Variants in FAM222B observed in about 807,000 individuals in gnomAD.
FAM222B encodes the protein protein FAM222B.
A neutral mutation model predicts 38.0 loss-of-function variants in FAM222B; 12 were observed. That is an observed-to-expected ratio of 0.32 (90% CI 0.20 to 0.51). The LOEUF is 0.51. Ranked by LOEUF, FAM222B falls within the 20% of genes least tolerant of loss-of-function variation. The pLI, the probability that FAM222B is intolerant of heterozygous loss-of-function variation, is 0.97. For synonymous variants in FAM222B, 329 were observed against 317.2 expected, an observed-to-expected ratio of 1.04 and a Z score of -0.40; for missense variants, 716 against 754.2, an observed-to-expected ratio of 0.95 and a Z score of 0.59.
chr17:28,847,264 C>T (rs1342828583), upstream of FAM222B, among the ~76,000 whole-genome samples: 4 of 151,740 alleles, frequency 2.6e-5, no homozygotes, highest in Admixed American at 2.6e-4. Flanking sequence ...CTTCCGTGAC[C>T]CCAAGTTACA....
intron 1 of FAM222B, among the ~76,000 whole-genome samples, chr17:28,852,334 C>T (rs181673096): frequency 6.1e-4 from 92 of 151,286 alleles, no homozygotes; most frequent in Admixed American, 2.1e-3. Flanking sequence ...CCAGCCTGGG[C>T]GACAGAGCGA....
At chr17:28,805,940 G>A (rs746293823) in intron 1 of FAM222B, among the ~76,000 whole-genome samples, 4 of 152,130 alleles carry the variant, frequency 2.6e-5, no homozygotes, top group Admixed American at 6.6e-5. Context: ...TCGGGAGTTC[G>A]AGACCAGCCT....
intron 1 of FAM222B, among the ~76,000 whole-genome samples, chr17:28,802,113 G>C (rs1427012074): frequency 2.1e-5 from 2 of 97,182 alleles, no homozygotes; most frequent in Non-Finnish European, 4.6e-5. Flanking sequence ...TTCTGAGAAA[G>C]AGTCTTACTC....
At position 28,758,781 on chromosome 17, in the gene FAM222B, G is replaced by C. The variant is rs762239819; in HGVS notation, c.1178C>G (p.Ala393Gly). The C allele has an allele frequency of 6.4e-7, 1 of 1,574,378 alleles. No homozygotes were observed. Among genetic ancestry groups the C allele is most frequent in the South Asian group, 1.2e-5 (1 of 86,878 alleles). The change falls in exon 3 of 3, where the codon GCG (alanine) becomes GGG (glycine). Residue 393 changes from alanine (A) to glycine (G), a missense_variant. Coordinates refer to ENST00000581407, the MANE Select transcript of FAM222B (RefSeq NM_001077498.3). ...TPAPGLTGKH[A>G]AGRELAGPGF... The stretch of plus-strand genomic sequence containing the variant: ...AGGCCCTGCCAACTCGCGTCCTGCC[G>C]CATGCTTGCCTGTCAGGCCAGGGGC...
chr17:28,787,959 G>C (rs577594607), intron 1 of FAM222B, among the ~76,000 whole-genome samples: 1 of 151,706 alleles, frequency 6.6e-6, no homozygotes, highest in Non-Finnish European at 1.5e-5. Context: ...CGAGTGGCTA[G>C]GATTACAGGA....
At chr17:28,818,960 C>T (rs1266681647) in intron 1 of FAM222B, among the ~76,000 whole-genome samples, 1 of 152,152 alleles carries the variant, frequency 6.6e-6, no homozygotes, top group African/African-American at 2.4e-5. Flanking sequence ...TAAAATGGCA[C>T]GGTTCCTGAA....
intron 1 of FAM222B, among the ~76,000 whole-genome samples, chr17:28,775,828 C>G (rs960971662): frequency 4.0e-5 from 6 of 151,168 alleles, no homozygotes; most frequent in African/African-American, 1.5e-4. Flanking sequence ...TTGCAGTGAG[C>G]CGAGATGGCG....
chr17:28,846,239 C>T (rs1253905455), upstream of FAM222B, among the ~76,000 whole-genome samples: 2 of 149,018 alleles, frequency 1.3e-5, no homozygotes, highest in East Asian at 4.0e-4. Flanking sequence ...TGTGGTGGTG[C>T]ACACCTGTGG....
upstream of FAM222B, among the ~76,000 whole-genome samples, chr17:28,847,655 C>T (rs904359405): frequency 6.6e-6 from 1 of 151,824 alleles, no homozygotes; most frequent in Non-Finnish European, 1.5e-5. Context: ...TGGCTCACTC[C>T]TGTAATCCCA....
rs142431621 is a variant in FAM222B, at chr17:28,783,510, TGAGA to T, written c.-40-16807_-40-16804del. Among the ~76,000 whole-genome samples the T allele has an allele frequency of 2.0e-3, 200 of 101,792 alleles. 6 individuals carry two copies. Among genetic ancestry groups the T allele is most frequent in the Middle Eastern group, 0.018 (3 of 166 alleles). The allele number at this position is 101,792 out of a possible 152,430, so 66.8% of individuals were successfully genotyped here. On this transcript the variant is annotated intron_variant, in intron 1 of 2. Transcript: ENST00000581407. The stretch of plus-strand genomic sequence containing the variant: ...ATTTATAAAATGTACCCTACCTTCA[TGAGA>T]TTTTTTTTTTTTTTTTTAAACAAAG...
chr17:28,813,120 T>C, intron 1 of FAM222B, among the ~76,000 whole-genome samples: 1 of 62,304 alleles, frequency 1.6e-5, no homozygotes, highest in Non-Finnish European at 2.6e-5. Flanking sequence ...CATGAAATCA[T>C]CAGACACAAA....
intron 2 of FAM222B, among the ~76,000 whole-genome samples, chr17:28,760,110 C>T (rs1430676919): frequency 6.6e-6 from 1 of 152,216 alleles, no homozygotes; most frequent in Non-Finnish European, 1.5e-5. Flanking sequence ...GACAGGCCAT[C>T]TCAATGAATC....
chr17:28,791,675 A>ATTTTTTTTTTTTTTTTTTTTT (rs869183871), intron 1 of FAM222B, among the ~76,000 whole-genome samples: 1 of 116,850 alleles, frequency 8.6e-6, no homozygotes, highest in Non-Finnish European at 1.7e-5. Flanking sequence ...GAGCCCAGGA[A>ATTTTTTTTTTTTTTTTTTTTT]TTTTTTTTTT....
At chr17:28,805,027 C>A (rs1455901780) in intron 1 of FAM222B, among the ~76,000 whole-genome samples, 1 of 150,704 alleles carries the variant, frequency 6.6e-6, no homozygotes, top group South Asian at 2.1e-4. Flanking sequence ...GTCTGGGCGA[C>A]AGAGCGAGAC....
intron 1 of FAM222B, among the ~76,000 whole-genome samples, chr17:28,851,604 G>A (rs894465523): frequency 1.3e-5 from 2 of 151,680 alleles, no homozygotes; most frequent in African/African-American, 4.8e-5. Context: ...TAGGCTAGGT[G>A]CAGTGACTCA....
chr17:28,764,336 G>A (rs991574374), intron 2 of FAM222B, among the ~76,000 whole-genome samples: 1 of 150,796 alleles, frequency 6.6e-6, no homozygotes, highest in Non-Finnish European at 1.5e-5. Flanking sequence ...CCACTACTCA[G>A]GAGACTGAGG....
At chr17:28,833,765 C>A (rs1157126403) in intron 1 of FAM222B, among the ~76,000 whole-genome samples, 1 of 152,084 alleles carries the variant, frequency 6.6e-6, no homozygotes, top group Non-Finnish European at 1.5e-5. Context: ...TATAAAGCAA[C>A]TGAAGCTTGG....
At chr17:28,813,301 C>T (rs1382804583) in intron 1 of FAM222B, among the ~76,000 whole-genome samples, 2 of 152,006 alleles carry the variant, frequency 1.3e-5, no homozygotes, top group African/African-American at 4.8e-5. Flanking sequence ...ACACCTAATC[C>T]TTGTTCAGTC....
intron 1 of FAM222B, among the ~76,000 whole-genome samples, chr17:28,782,656 T>C (rs149882806): frequency 6.6e-6 from 1 of 152,260 alleles, no homozygotes; most frequent in African/African-American, 2.4e-5. Context: ...ACACAAAAAT[T>C]ATGAAGTCAC....
Sources: gnomAD v4.1 joint callset for allele counts (sites outside exome capture counted in the v4.1 genomes callset) on GRCh38, gnomAD v4.1.1 for gene constraint, MANE v1.5 for transcripts, NCBI Gene and HGNC (gene_info 2026-07-23, HGNC 2026-07-21) for gene names.